The following THOC6 variants were observed in gnomAD, a reference collection of about 807,000 sequenced individuals.
The protein encoded by THOC6 is THO complex subunit 6.
THOC6 carries 39 observed loss-of-function variants against 55.8 expected under a neutral mutation model. The observed-to-expected ratio is 0.70, with a 90% CI of 0.54 to 0.91. THOC6 has a LOEUF of 0.91. Among genes scored for constraint, THOC6 ranks in the 40% least tolerant of loss-of-function variants. THOC6 has a pLI of 0.00. For missense variants in THOC6, 482 were observed against 442.0 expected, an observed-to-expected ratio of 1.09 and a Z score of -0.81; for synonymous variants, 192 against 175.6, an observed-to-expected ratio of 1.09 and a Z score of -0.74.
chr16:3,026,737 C>A lies in THOC6; in HGVS notation c.542C>A (p.Pro181Gln). The change falls in exon 8 of 13, where the codon CCA becomes CAA. Residue 181 changes from proline (P) to glutamine (Q), a missense_variant. By Grantham distance (76) the Pro-to-Gln change is moderately conservative (BLOSUM62 -1). Transcript: ENST00000326266. The part of the protein sequence containing the change: ...IHCLALRERS[P>Q]EVLSGGEDGA... ...TGCCTGGCACTGCGGGAAAGGAGCC[C>A]AGAGGTGCTGTCAGGTGGCGAGGAT... The A allele has an allele frequency of 6.2e-7, 1 of 1,613,952 alleles. No individual in the cohort carries two copies.
Position 3,026,708 on chromosome 16 carries a change from C to T in THOC6, c.513C>T (p.Ile171=). Residue 171 remains isoleucine, a synonymous_variant, in exon 8 of 13, where the codon ATC becomes ATT. Transcript: ENST00000326266. The part of the protein sequence containing the change: ...TRVLRGHTDY[I]HCLALRERSP... Reference sequence around the variant, plus strand: ...TCCTCCGGGGCCACACAGACTACATCCACTGCCTGGCACTGCGGGAAAGGA... The same window carrying T: ...TCCTCCGGGGCCACACAGACTACATTCACTGCCTGGCACTGCGGGAAAGGA... The T allele has an allele frequency of 6.2e-7, 1 of 1,613,734 alleles. No individual in the cohort carries two copies. The highest frequency in any genetic ancestry group is 1.1e-5 in the South Asian group (1 of 91,012).
In THOC6 at chr16:3,027,219, C is replaced by A; in HGVS notation, c.749C>A (p.Thr250Lys). 6.2e-7 allele frequency: 1 copy of A among 1,614,172 alleles called. No homozygotes were observed. The highest frequency in any genetic ancestry group is 8.5e-7 in the Non-Finnish European group (1 of 1,180,042). Residue 250 changes from threonine (T) to lysine (K), a missense_variant, in exon 11 of 13, where the codon ACA (threonine) becomes AAA (lysine). Physicochemically the swap from Thr to Lys is moderately conservative, Grantham distance 78 (BLOSUM62 -1). Coordinates refer to ENST00000326266, the MANE Select transcript of THOC6 (RefSeq NM_024339.5). ...ACCCTCTGGCACCTCCGATCCTCCA[C>A]ACCCACCACCATCTTCCCCATCCGG... ...ALTLWHLRSS[T>K]PTTIFPIRAP...
rs201002549 is a variant in THOC6, at chr16:3,027,295, C to T, written c.810+15C>T. ...ACCAGGACCTGGTGAGGCCCTGTGT[C>T]TCACTTCTGCCACCCCCACTGACTC... On this transcript the variant is annotated intron_variant, in intron 11 of 12. Transcript: ENST00000326266. 3 of 1,614,204 alleles carry T rather than the reference C, an allele frequency of 1.9e-6. No individual in the cohort carries two copies. The highest frequency in any genetic ancestry group is 1.7e-5 in the Admixed American group (1 of 60,032).
Position 3,024,358 on chromosome 16 carries a change from T to C in THOC6, c.32T>C (p.Leu11Pro). 6.2e-7 allele frequency: 1 copy of C among 1,614,124 alleles called. No individual in the cohort carries two copies. Among genetic ancestry groups the C allele is most frequent in the Non-Finnish European group, 8.5e-7 (1 of 1,179,994 alleles). MERAVPLAVP[L>P]GQTEVFQALQ... is the part of the protein sequence containing the mutation. ...CGAGCTGTGCCGCTCGCGGTGCCTC[T>C]GGGTCAGGTGAGACGGACGTGGTGC... Residue 11 changes from leucine (L) to proline (P), a missense_variant, in exon 1 of 13, where the codon CTG becomes CCG. Coordinates refer to ENST00000326266, the MANE Select transcript of THOC6 (RefSeq NM_024339.5).
At chr16:3,024,386 G>A (rs113792701) in intron 1 of THOC6, 21 bp downstream of exon 1, 15 of 1,614,108 alleles carry the variant, frequency 9.3e-6, no homozygotes, top group African/African-American at 8.0e-5. Flanking sequence ...CGTGGTGCGC[G>A]TTGCCTTCTG....
intron 11 of THOC6, 26 bp from the exon 12 acceptor site, chr16:3,027,340 C>A: frequency 1.2e-6 from 2 of 1,613,886 alleles, no homozygotes; most frequent in Non-Finnish European, 1.7e-6. Flanking sequence ...GTCCTGACCC[C>A]TGAGCACCTT....
chr16:3,025,251 T>G (rs928450567), intron 1 of THOC6, among the ~76,000 whole-genome samples: 1 of 152,148 alleles, frequency 6.6e-6, no homozygotes, highest in African/African-American at 2.4e-5. Context: ...CCCACATTTT[T>G]AAATTTTTTT....
chr16:3,027,042 T>C lies in THOC6; in HGVS notation c.668T>C (p.Ile223Thr). 6.2e-7 allele frequency: 1 copy of C among 1,614,176 alleles called. No individual in the cohort carries two copies. The highest frequency in any genetic ancestry group is 8.5e-7 in the Non-Finnish European group (1 of 1,180,040). The change falls in exon 10 of 13, where the codon ATT (isoleucine) becomes ACT (threonine). Residue 223 changes from isoleucine (I) to threonine (T), a missense_variant. Ile to Thr is a moderately conservative substitution (Grantham distance 89). Transcript: ENST00000326266. Reference protein sequence around the residue: ...ECSRPHNGRWIGCLATDSDWM... With the variant: ...ECSRPHNGRWTGCLATDSDWM... ...TCGAGGCCCCACAATGGGCGCTGGATTGGATGTTTGGCAACTGATTCCGAC... is the reference window on the plus strand; with the variant it reads ...TCGAGGCCCCACAATGGGCGCTGGACTGGATGTTTGGCAACTGATTCCGAC...
In THOC6 at chr16:3,027,707, TTC is replaced by T. The variant is rs374707661; in HGVS notation, c.*52_*53del. 2.4e-4 allele frequency: 358 copies of T among 1,494,914 alleles called. No individual in the cohort carries two copies. The highest frequency in any genetic ancestry group is 1.5e-3 in the Admixed American group (61 of 40,140). 92.6% of individuals were successfully genotyped at this position (1,494,914 alleles called of 1,614,324 possible). ...TCAGGGTTTTAGAGTGTTTTTCATT[TTC>T]TTTTTTTTTTTTTTTTTACAATAAA... On this transcript the variant is annotated 3_prime_UTR_variant, in exon 13 of 13. Transcript: ENST00000326266.
Position 3,026,536 on chromosome 16 carries a change from T to C in THOC6, c.432T>C (p.Ala144=). Residue 144 remains alanine, a synonymous_variant, in exon 7 of 13, where the codon GCT becomes GCC. Transcript: ENST00000326266. ...LVPKENSLIL[A]GGDCQLHTMD... ...CACAGGAGAATTCCCTCATCCTGGC[T>C]GGGGGAGACTGTCAGTTGCACACTA... 1 of 1,614,158 alleles carries C rather than the reference T, an allele frequency of 6.2e-7. No homozygotes were observed. Among genetic ancestry groups the C allele is most frequent in the East Asian group, 2.2e-5 (1 of 44,882 alleles).
rs745688373 is a variant in THOC6 at position 3,027,009 on chromosome 16, A to G, written c.637-2A>G. 2 of 1,614,056 alleles carry G rather than the reference A, an allele frequency of 1.2e-6. No individual in the cohort carries two copies. Among genetic ancestry groups the G allele is most frequent in the Non-Finnish European group, 1.7e-6 (2 of 1,179,998 alleles). On this transcript the variant is annotated splice_acceptor_variant, in intron 9 of 12. Transcript: ENST00000326266. LOFTEE classifies it high-confidence loss of function. The stretch of plus-strand genomic sequence containing the variant: ...CTTTCCCTCCTCCCCTCCCCATCCC[A>G]GGAGTGCTCGAGGCCCCACAATGGG...
chr16:3,025,237 C>T (rs1263936790), intron 1 of THOC6, among the ~76,000 whole-genome samples: 8 of 152,136 alleles, frequency 5.3e-5, no homozygotes, highest in East Asian at 1.9e-4. Context: ...CCACTGCGCC[C>T]GGCCCCACAT....
At position 3,027,581 on chromosome 16, in the gene THOC6, T is replaced by C. The variant is rs2072833201; in HGVS notation, c.950T>C (p.Leu317Pro). 1 of 1,613,914 alleles carries C rather than the reference T, an allele frequency of 6.2e-7. No homozygotes were observed. The highest frequency in any genetic ancestry group is 1.1e-5 in the South Asian group (1 of 91,092). ...QQPAAPECKV[L>P]TAAGNSCRVD... ...TCATGCCCCTCTTTCCTCCAGGTCC[T>C]GACAGCTGCAGGCAACAGCTGCCGG... is the stretch of plus-strand genomic sequence containing the variant. Residue 317 changes from leucine (L) to proline (P), a missense_variant, in exon 13 of 13, where the codon CTG (leucine) becomes CCG (proline). Leu to Pro is a moderately conservative substitution (Grantham distance 98). Transcript: ENST00000326266.
In THOC6 at chr16:3,027,385, G is replaced by A. The variant is rs1333523589; in HGVS notation, c.830G>A (p.Gly277Asp). The A allele has an allele frequency of 4.3e-6, 7 of 1,612,794 alleles. No homozygotes were observed. The highest frequency in any genetic ancestry group is 5.1e-6 in the Non-Finnish European group (6 of 1,179,470). Residue 277 changes from glycine (G) to aspartate (D), a missense_variant, in exon 12 of 13, where the codon GGC becomes GAC. Transcript: ENST00000326266. ...CTGCAGATTCTGTCAGCTGGCCAGG[G>A]CCGCTGCGTCAACCAGTGGCAGCTG... ...YQDLILSAGQ[G>D]RCVNQWQLSG...
In THOC6 at chr16:3,027,170, G is replaced by C. The variant is rs150940923; in HGVS notation, c.700G>C (p.Val234Leu). The C allele has an allele frequency of 3.6e-4, 587 of 1,614,132 alleles. No homozygotes were observed. The highest frequency in any genetic ancestry group is 4.6e-4 in the Non-Finnish European group (538 of 1,180,014). ...GCLATDSDWM[V>L]CGGGPALTLW... ...TGGGGACTCCCACCTTTCTGTCCAG[G>C]TCTGTGGAGGGGGCCCAGCCCTCAC... Residue 234 changes from valine (V) to leucine (L), a missense_variant and splice_region_variant, in exon 11 of 13, where the codon GTC (valine) becomes CTC (leucine). Physicochemically the swap from Val to Leu is conservative, Grantham distance 32. Coordinates refer to ENST00000326266, the MANE Select transcript of THOC6 (RefSeq NM_024339.5).
In THOC6 at chr16:3,027,019, G is replaced by C. The variant is rs746958941; in HGVS notation, c.645G>C (p.Ser215=). 9.3e-6 allele frequency: 15 copies of C among 1,614,138 alleles called. No individual in the cohort carries two copies. Among genetic ancestry groups the C allele is most frequent in the Non-Finnish European group, 1.3e-5 (15 of 1,180,040 alleles). The change falls in exon 10 of 13, where the codon TCG becomes TCC. Residue 215 remains serine (S), a synonymous_variant. Transcript: ENST00000326266. The stretch of plus-strand genomic sequence containing the variant: ...TCCCCTCCCCATCCCAGGAGTGCTC[G>C]AGGCCCCACAATGGGCGCTGGATTG... ...TIEVYKHEEC[S]RPHNGRWIGC...
At chr16:3,026,018 G>T (rs1407384091) in intron 3 of THOC6, 30 bp downstream of exon 3, 6 of 1,614,184 alleles carry the variant, frequency 3.7e-6, no homozygotes, top group Non-Finnish European at 5.1e-6. Flanking sequence ...CTGGCTTCAG[G>T]ACTTTGGGTG....
In THOC6 at chr16:3,027,590, C is replaced by T; in HGVS notation, c.959C>T (p.Ala320Val). ...TCTTTCCTCCAGGTCCTGACAGCTG[C>T]AGGCAACAGCTGCCGGGTGGATGTC... The part of the protein sequence containing the change: ...AAPECKVLTA[A>V]GNSCRVDVFT... The change falls in exon 13 of 13, where the codon GCA becomes GTA. Residue 320 changes from alanine to valine, a missense_variant. Coordinates refer to ENST00000326266, the MANE Select transcript of THOC6 (RefSeq NM_024339.5). 1.2e-6 allele frequency: 2 copies of T among 1,614,096 alleles called. No individual in the cohort carries two copies. The highest frequency in any genetic ancestry group is 1.1e-5 in the South Asian group (1 of 91,086).
At chr16:3,025,279 A>G (rs1010596444) in intron 1 of THOC6, among the ~76,000 whole-genome samples, 10 of 152,014 alleles carry the variant, frequency 6.6e-5, no homozygotes, top group African/African-American at 1.9e-4. Flanking sequence ...GAGTCTCACT[A>G]TGTTGCCCAG....
Sources: gnomAD v4.1 joint callset for allele counts (sites outside exome capture counted in the v4.1 genomes callset) on GRCh38, gnomAD v4.1.1 for gene constraint, MANE v1.5 for transcripts, NCBI Gene and HGNC (gene_info 2026-07-23, HGNC 2026-07-21) for gene names.